The following KMT2C variants were observed in gnomAD, a reference collection of about 807,000 sequenced individuals.
KMT2C encodes histone-lysine N-methyltransferase 2C.
Under a neutral mutation model 507.9 loss-of-function variants are expected in KMT2C, and 88 were observed. The observed-to-expected ratio is 0.17, with a 90% CI of 0.15 to 0.21. KMT2C has a LOEUF of 0.21. Among genes scored for constraint, KMT2C ranks in the 10% least tolerant of loss-of-function variants. KMT2C has a pLI of 1.00. For synonymous variants in KMT2C, 2,049 were observed against 2,080.8 expected (o/e 0.98, Z 0.42); for missense variants, 4,954 against 5,957.8 (o/e 0.83, Z 5.55).
chr7:152,172,300 A>G (rs1021556002), intron 39 of KMT2C, among the ~76,000 whole-genome samples: 1 of 152,228 alleles, frequency 6.6e-6, no homozygotes, highest in Admixed American at 6.5e-5. Context: ...TAGAATACTA[A>G]GCCATATACC....
intron 46 of KMT2C, among the ~76,000 whole-genome samples, chr7:152,154,700 A>C (rs2091913022): frequency 6.6e-6 from 1 of 152,242 alleles, no homozygotes; most frequent in South Asian, 2.1e-4. Context: ...CCTGCCAAAG[A>C]GGAAGATGTT....
At chr7:152,271,933 T>C (rs1378642740) in intron 7 of KMT2C, among the ~76,000 whole-genome samples, 7 of 152,120 alleles carry the variant, frequency 4.6e-5, no homozygotes, top group Non-Finnish European at 1.0e-4. Flanking sequence ...ATTTCCTTCT[T>C]TGTATTGACT....
chr7:152,375,143 A>C (rs985452012), intron 1 of KMT2C, among the ~76,000 whole-genome samples: 8 of 152,146 alleles, frequency 5.3e-5, no homozygotes, highest in Non-Finnish European at 8.8e-5. Flanking sequence ...CCCAGGTTCA[A>C]GTGGTTCTCC....
rs28634194 is a variant in KMT2C at position 152,240,260 on chromosome 7, G to C, written c.2533-1434C>G. Among the ~76,000 whole-genome samples the C allele has an allele frequency of 1.9e-4, 29 of 152,260 alleles. No individual in the cohort carries two copies. In the South Asian group the frequency reaches 6.0e-3, roughly 32 times the overall value. ...ACCTATGTCTTCTTCCCTACTATTAGTAAGGAAGTGTTGTCAAAAGCCATT... is the reference window on the plus strand; with the variant it reads ...ACCTATGTCTTCTTCCCTACTATTACTAAGGAAGTGTTGTCAAAAGCCATT... On this transcript the variant is annotated intron_variant, in intron 14 of 58. Coordinates refer to ENST00000262189, the MANE Select transcript of KMT2C (RefSeq NM_170606.3).
chr7:152,418,588 C>A (rs2097760129), intron 1 of KMT2C, among the ~76,000 whole-genome samples: 1 of 151,972 alleles, frequency 6.6e-6, no homozygotes, highest in Non-Finnish European at 1.5e-5. Context: ...CATGCCACCA[C>A]ACCTGGCTAA....
intron 8 of KMT2C, among the ~76,000 whole-genome samples, chr7:152,264,806 T>C (rs892508757): frequency 6.6e-6 from 1 of 151,378 alleles, no homozygotes; most frequent in African/African-American, 2.4e-5. Context: ...TTTAGACTTC[T>C]TTCAAAATTA....
intron 7 of KMT2C, among the ~76,000 whole-genome samples, chr7:152,268,145 G>A (rs1167172856): frequency 6.6e-6 from 1 of 152,160 alleles, no homozygotes; most frequent in African/African-American, 2.4e-5. Context: ...AGGGTGTGGT[G>A]GCACATGCCT....
rs1179965434 is a variant in KMT2C at position 152,220,743 on chromosome 7, T to C, written c.3500-8A>G. On this transcript the variant is annotated splice_polypyrimidine_tract_variant and splice_region_variant and intron_variant, in intron 22 of 58. Coordinates refer to ENST00000262189, the MANE Select transcript of KMT2C (RefSeq NM_170606.3). ...TATAAGTCTTGGGTGGGTCTAAAAT[T>C]ACAAAATCCCAAGGATACAAATTTA... 1 of 1,581,534 alleles carries C rather than the reference T, an allele frequency of 6.3e-7. No individual in the cohort carries two copies. The highest frequency in any genetic ancestry group is 8.7e-7 in the Non-Finnish European group (1 of 1,152,760).
chr7:152,194,382 T>A (rs1433243790), intron 29 of KMT2C, 58 bp downstream of exon 29: 4 of 1,546,568 alleles, frequency 2.6e-6, no homozygotes, highest in Non-Finnish European at 3.5e-6. Context: ...CAAAAATCTT[T>A]AAAAATCATA....
At chr7:152,352,426 G>A (rs1011202357) in intron 2 of KMT2C, among the ~76,000 whole-genome samples, 7 of 152,078 alleles carry the variant, frequency 4.6e-5, no homozygotes, top group Admixed American at 1.3e-4. Context: ...TGTGAAGCAC[G>A]TGATCTCTGT....
chr7:152,154,231 G>C (rs1470284254), intron 47 of KMT2C, 36 bp downstream of exon 47: 1 of 1,612,174 alleles, frequency 6.2e-7, no homozygotes, highest in Non-Finnish European at 8.5e-7. Context: ...TTGGCGTAGT[G>C]TAAAGGGAAA....
intron 1 of KMT2C, among the ~76,000 whole-genome samples, chr7:152,389,709 G>C (rs1010914650): frequency 6.6e-6 from 1 of 152,078 alleles, no homozygotes; most frequent in African/African-American, 2.4e-5. Flanking sequence ...CCAAAGTGCT[G>C]GGATTACAGG....
chr7:152,289,373 AG>A (rs1304572662), intron 6 of KMT2C, among the ~76,000 whole-genome samples: 1 of 152,268 alleles, frequency 6.6e-6, no homozygotes, highest in African/African-American at 2.4e-5. Context: ...TAATGTTTTA[AG>A]TCTTGATCCA....
At chr7:152,380,623 A>G (rs1297489435) in intron 1 of KMT2C, among the ~76,000 whole-genome samples, 4 of 151,754 alleles carry the variant, frequency 2.6e-5, no homozygotes, top group Non-Finnish European at 4.4e-5. Flanking sequence ...CTGTATTCCC[A>G]GCTACTTGGG....
intron 43 of KMT2C, among the ~76,000 whole-genome samples, chr7:152,159,282 C>T (rs761681002): frequency 6.6e-6 from 1 of 152,162 alleles, no homozygotes; most frequent in Admixed American, 6.5e-5. Flanking sequence ...CAGTAAGCTG[C>T]GAAGCTTGAG....
chr7:152,207,780 T>C (rs1000478826), intron 23 of KMT2C, among the ~76,000 whole-genome samples: 1 of 152,190 alleles, frequency 6.6e-6, no homozygotes, highest in Admixed American at 6.5e-5. Flanking sequence ...CAGCTATAAT[T>C]GAATATTACC....
intron 52 of KMT2C, 101 bp from the exon 53 acceptor site, chr7:152,146,836 CAAAT>C: frequency 9.7e-7 from 1 of 1,028,128 alleles, no homozygotes; most frequent in Non-Finnish European, 1.4e-6. Context: ...TACTAATTTC[CAAAT>C]AAATCCTGTT....
rs2129128800 is a variant in KMT2C at position 152,194,028 on chromosome 7, C to T, written c.4641G>A (p.Leu1547=). Residue 1547 remains leucine (L), a synonymous_variant, in exon 31 of 59, where the codon CTG becomes CTA. Coordinates refer to ENST00000262189, the MANE Select transcript of KMT2C (RefSeq NM_170606.3). ...PLPQPPPPTQ[L]LPIHNQDAFS... ...ACATACCCTGATTGTGTATTGGCAA[C>T]AGCTGTGTTGGTGGGGGAGGCTGTG... 1.3e-6 allele frequency: 2 copies of T among 1,573,962 alleles called. No individual in the cohort carries two copies. Among genetic ancestry groups the T allele is most frequent in the Non-Finnish European group, 1.7e-6 (2 of 1,166,470 alleles).
chr7:152,336,672 T>C (rs2096938695), intron 2 of KMT2C, among the ~76,000 whole-genome samples: 1 of 152,222 alleles, frequency 6.6e-6, no homozygotes, highest in Admixed American at 6.5e-5. Flanking sequence ...GTTTTTGCCT[T>C]TCATGAGGTC....
Sources: allele counts gnomAD v4.1 joint callset (sites outside exome capture counted in the v4.1 genomes callset), GRCh38; gene constraint gnomAD v4.1.1; transcripts MANE v1.5; gene names NCBI Gene and HGNC (gene_info 2026-07-23, HGNC 2026-07-21).